LRP1B: variants seen among roughly 807,000 people sequenced by gnomAD.
LRP1B encodes the protein LDL receptor related protein 1B.
A neutral mutation model predicts 556.6 loss-of-function variants in LRP1B; 217 were observed. That is an observed-to-expected ratio of 0.39 (90% CI 0.35 to 0.44). The LOEUF is 0.44. Among genes scored for constraint, LRP1B ranks in the 20% least tolerant of loss-of-function variants. The pLI is 1.00. For synonymous variants in LRP1B, 2,047 were observed against 1,865.8 expected (o/e 1.10, Z -2.50); for missense variants, 5,053 against 5,620.8 (o/e 0.90, Z 3.23).
At chr2:141,826,888 T>C (rs1217308429) in intron 1 of LRP1B, among the ~76,000 whole-genome samples, 1 of 152,214 alleles carries the variant, frequency 6.6e-6, no homozygotes, top group African/African-American at 2.4e-5. Context: ...CATTTATTTT[T>C]TAAAATCTTT....
chr2:141,842,429 A>G (rs1001041655), intron 1 of LRP1B, among the ~76,000 whole-genome samples: 1 of 152,096 alleles, frequency 6.6e-6, no homozygotes, highest in Non-Finnish European at 1.5e-5. Flanking sequence ...CTTTTCAAAT[A>G]GGTAAATCTA....
rs370045229 is a variant in LRP1B at position 140,803,493 on chromosome 2, T to C, written c.5359+10164A>G. On this transcript the variant is annotated intron_variant, in intron 32 of 90. Coordinates refer to ENST00000389484, the MANE Select transcript of LRP1B (RefSeq NM_018557.3). ...ATTTATTTTTTTAGTAGAGACAGGG[T>C]TTCACTGTGTTAGCCAGGATGGTCT... Among the ~76,000 whole-genome samples the C allele has an allele frequency of 8.6e-5, 13 of 151,902 alleles. No homozygotes were observed. In the East Asian group the frequency reaches 1.9e-3, roughly 23 times the overall value.
At chr2:141,712,836 A>AT (rs1192189235) in intron 2 of LRP1B, among the ~76,000 whole-genome samples, 2,731 of 103,298 alleles carry the variant, frequency 0.026, 150 homozygotes, top group African/African-American at 0.086. Context: ...TGCCCAGCTA[A>AT]TTTTTTTTTT....
intron 2 of LRP1B, among the ~76,000 whole-genome samples, chr2:141,572,524 T>C (rs1048672948): frequency 6.6e-6 from 1 of 152,104 alleles, no homozygotes; most frequent in Non-Finnish European, 1.5e-5. Flanking sequence ...CTGCATCAAC[T>C]AGTATGCAAA....
At chr2:141,609,445 C>T (rs1345703883) in intron 2 of LRP1B, among the ~76,000 whole-genome samples, 1 of 152,172 alleles carries the variant, frequency 6.6e-6, no homozygotes, top group Non-Finnish European at 1.5e-5. Flanking sequence ...TAGTCATTCA[C>T]ACTAATGTGC....
chr2:140,631,459 TG>T, intron 41 of LRP1B, among the ~76,000 whole-genome samples: 1 of 152,234 alleles, frequency 6.6e-6, no homozygotes, highest in Non-Finnish European at 1.5e-5. Context: ...AGCACAGAGA[TG>T]GAAACTATAC....
chr2:140,595,104 A>ATATATC (rs1682384300), intron 43 of LRP1B, among the ~76,000 whole-genome samples: 1 of 57,138 alleles, frequency 1.8e-5, no homozygotes, highest in Non-Finnish European at 3.7e-5. Context: ...ATATATATAT[A>ATATATC]TATATATATA....
intron 3 of LRP1B, among the ~76,000 whole-genome samples, chr2:141,397,948 G>C (rs1439541877): frequency 6.6e-6 from 1 of 151,782 alleles, no homozygotes; most frequent in Non-Finnish European, 1.5e-5. Flanking sequence ...ACATCAGAGA[G>C]TTTAATGTCT....
chr2:141,394,851 G>A (rs1573896271), intron 3 of LRP1B, among the ~76,000 whole-genome samples: 1 of 152,044 alleles, frequency 6.6e-6, no homozygotes, highest in Admixed American at 6.6e-5. Context: ...CTAGTCATGT[G>A]ACTCTAAAAC....
At chr2:142,086,836 T>C (rs1224518619) in intron 1 of LRP1B, among the ~76,000 whole-genome samples, 2 of 152,216 alleles carry the variant, frequency 1.3e-5, no homozygotes, top group African/African-American at 4.8e-5. Context: ...CTGAATACTG[T>C]ATCAGAGTTA....
chr2:141,156,052 G>GA (rs1019917676), intron 7 of LRP1B, among the ~76,000 whole-genome samples: 2 of 152,028 alleles, frequency 1.3e-5, no homozygotes, highest in African/African-American at 4.8e-5. Flanking sequence ...AATCCAGGAA[G>GA]AAATTAAAAT....
chr2:140,606,955 T>G (rs1450174865), intron 41 of LRP1B, among the ~76,000 whole-genome samples: 2 of 151,946 alleles, frequency 1.3e-5, no homozygotes, highest in Admixed American at 1.3e-4. Context: ...AGATGTTAGA[T>G]CTCATCAAAA....
chr2:141,515,106 C>G (rs1684265285), intron 2 of LRP1B, among the ~76,000 whole-genome samples: 1 of 152,068 alleles, frequency 6.6e-6, no homozygotes, highest in Admixed American at 6.5e-5. Flanking sequence ...AGTTTGAGAC[C>G]AGATTGACCA....
At chr2:141,788,702 C>A (rs747199671) in intron 2 of LRP1B, among the ~76,000 whole-genome samples, 2 of 148,704 alleles carry the variant, frequency 1.3e-5, no homozygotes, top group Non-Finnish European at 3.0e-5. Context: ...CCCCACCCCA[C>A]AACAGGCTCT....
chr2:141,171,456 C>G (rs1680494585), intron 7 of LRP1B, among the ~76,000 whole-genome samples: 1 of 152,074 alleles, frequency 6.6e-6, no homozygotes, highest in African/African-American at 2.4e-5. Context: ...GCACCAAATT[C>G]TATGTGTCAT....
intron 3 of LRP1B, among the ~76,000 whole-genome samples, chr2:141,452,366 G>C (rs1277935596): frequency 6.6e-6 from 1 of 152,150 alleles, no homozygotes; most frequent in Non-Finnish European, 1.5e-5. Flanking sequence ...TGCCTGATGA[G>C]ACTTTTTTTT....
intron 11 of LRP1B, among the ~76,000 whole-genome samples, chr2:141,041,032 C>T (rs1698682285): frequency 1.3e-5 from 2 of 151,966 alleles, no homozygotes; most frequent in South Asian, 4.1e-4. Context: ...CTAAAAAGTA[C>T]CTTCATTTAA....
At chr2:140,263,348 C>A (rs1055109219) in intron 86 of LRP1B, among the ~76,000 whole-genome samples, 1 of 152,094 alleles carries the variant, frequency 6.6e-6, no homozygotes, top group Admixed American at 6.6e-5. Flanking sequence ...CAAATGGCAG[C>A]AGTTATACTC....
rs111786220 is a variant in LRP1B at position 140,996,827 on chromosome 2, C to T, written c.2504-2692G>A. Among the ~76,000 whole-genome samples the T allele has an allele frequency of 1.8e-4, 28 of 151,964 alleles. 2 individuals are homozygous for T. The highest frequency in any genetic ancestry group is 2.4e-4 in the Non-Finnish European group (16 of 67,936). On this transcript the variant is annotated intron_variant, in intron 15 of 90. Coordinates refer to ENST00000389484, the MANE Select transcript of LRP1B (RefSeq NM_018557.3). ...AAGACAAAGGGATATGTAGACAGAA[C>T]GAAGAGAGTCAAAGTTCCACCTACA... is the stretch of plus-strand genomic sequence containing the variant.
Sources: gnomAD v4.1 joint callset for allele counts (sites outside exome capture counted in the v4.1 genomes callset) on GRCh38, gnomAD v4.1.1 for gene constraint, MANE v1.5 for transcripts, NCBI Gene and HGNC (gene_info 2026-07-23, HGNC 2026-07-21) for gene names.